The following PCDHA3 variants were observed in gnomAD, a reference collection of about 807,000 sequenced individuals.
PCDHA3 encodes the protein protocadherin alpha 3.
A neutral mutation model predicts 62.2 loss-of-function variants in PCDHA3; 41 were observed. The observed-to-expected ratio is 0.66, with a 90% CI of 0.51 to 0.86. The LOEUF is 0.86. Ranked by LOEUF, PCDHA3 falls within the 40% of genes least tolerant of loss-of-function variation. The probability of loss-of-function intolerance (pLI) is 0.00; values close to 1 mark genes in which losing one functional copy is unlikely to be tolerated. For missense variants in PCDHA3, 1,304 were observed against 1,241.2 expected (o/e 1.05, Z -0.76); for synonymous variants, 640 against 555.4 (o/e 1.15, Z -2.14).
rs367685277 is a variant in PCDHA3 at position 140,871,336 on chromosome 5, G to A, written c.2394+67745G>A. 5.0e-6 allele frequency: 8 copies of A among 1,614,062 alleles called. No homozygotes were observed. The African/African-American group carries it at 9.3e-5, about 19-fold the overall frequency. On this transcript the variant is annotated intron_variant, in intron 1 of 3. Transcript: ENST00000522353. ...CACGCTGGTGTGCTCCCGCGCGGTG[G>A]GGAGCTGGTCATACTCGCAGCAGAG...
chr5:140,894,446 T>A (rs981858089), intron 1 of PCDHA3, among the ~76,000 whole-genome samples: 18 of 152,000 alleles, frequency 1.2e-4, no homozygotes, highest in African/African-American at 3.4e-4. Context: ...AGCTCTTTTT[T>A]AAAAAATATT....
intron 1 of PCDHA3, chr5:140,821,416 A>G (rs1766971363): frequency 5.5e-6 from 1 of 180,776 alleles, no homozygotes; most frequent in African/African-American, 2.4e-5. Flanking sequence ...ATAGAGTTTA[A>G]TGATATATTT....
chr5:140,845,092 C>G (rs145327720), intron 1 of PCDHA3, among the ~76,000 whole-genome samples: 1 of 149,560 alleles, frequency 6.7e-6, no homozygotes, highest in South Asian at 2.1e-4. Flanking sequence ...GTTTATTTTA[C>G]AGTTCTCTTA....
Position 140,809,080 on chromosome 5 carries a change from C to A in PCDHA3, c.2394+5489C>A, listed in dbSNP as rs564951591. On this transcript the variant is annotated intron_variant, in intron 1 of 3. Coordinates refer to ENST00000522353, the MANE Select transcript of PCDHA3 (RefSeq NM_018906.3). ...GCGTGGGGCTGTACACTGGCGAGAT[C>A]AGCACAACGCGTGCCCTGGACGAAA... The A allele has an allele frequency of 1.8e-4, 290 of 1,613,954 alleles. No individual in the cohort carries two copies. In the East Asian group the frequency reaches 5.6e-3, roughly 31 times the overall value.
At chr5:140,927,713 A>G in intron 1 of PCDHA3, 1 of 1,614,180 alleles carries the variant, frequency 6.2e-7, no homozygotes, top group Non-Finnish European at 8.5e-7. Flanking sequence ...TCCCTAAGCA[A>G]CAGCACGCAA....
intron 1 of PCDHA3, chr5:140,869,206 G>T (rs192388233): frequency 7.4e-6 from 12 of 1,613,854 alleles, no homozygotes; most frequent in African/African-American, 1.3e-5. Flanking sequence ...CCACTACTCC[G>T]TCTCGGAGGA....
At chr5:140,833,974 G>C (rs2150212572) in intron 1 of PCDHA3, among the ~76,000 whole-genome samples, 27 of 152,106 alleles carry the variant, frequency 1.8e-4, no homozygotes, top group Non-Finnish European at 3.5e-4. Context: ...TGAAAAAAAA[G>C]TTTTTCTAAG....
chr5:140,852,721 T>G (rs2042450982), intron 1 of PCDHA3: 1 of 982,810 alleles, frequency 1.0e-6, no homozygotes, highest in South Asian at 4.8e-5. Flanking sequence ...TTTGCACGTT[T>G]TTCAAGTTTC....
intron 1 of PCDHA3, chr5:140,862,434 T>C: frequency 2.8e-6 from 1 of 354,954 alleles, no homozygotes; most frequent in South Asian, 2.1e-5. Flanking sequence ...AAACTATTCG[T>C]TGGTACTCCA....
At chr5:140,915,266 C>T (rs1554196835) in intron 1 of PCDHA3, among the ~76,000 whole-genome samples, 1 of 151,940 alleles carries the variant, frequency 6.6e-6, no homozygotes, top group Non-Finnish European at 1.5e-5. Context: ...TTATTTTTGA[C>T]CAGTTCATCA....
At position 140,830,681 on chromosome 5, in the gene PCDHA3, G is replaced by C. The variant is rs112940654; in HGVS notation, c.2394+27090G>C. On this transcript the variant is annotated intron_variant, in intron 1 of 3. Coordinates refer to ENST00000522353, the MANE Select transcript of PCDHA3 (RefSeq NM_018906.3). ...AATTTAAGTGAAATTAGAAATCACT[G>C]TCCACAATCTGCACCTCAGAATTTT... The C allele has an allele frequency of 8.1e-3, 2,706 of 335,658 alleles. 74 individuals are homozygous for C. Among genetic ancestry groups the C allele is most frequent in the African/African-American group, 0.053 (2,457 of 46,446 alleles). The allele number at this position is 335,658 out of a possible 1,614,324, so 20.8% of individuals were successfully genotyped here.
At chr5:140,914,807 A>G (rs929659841) in intron 1 of PCDHA3, among the ~76,000 whole-genome samples, 2 of 152,330 alleles carry the variant, frequency 1.3e-5, no homozygotes, top group Middle Eastern at 3.4e-3. Context: ...ACTGATGGCA[A>G]CTTAACAGAC....
intron 1 of PCDHA3, among the ~76,000 whole-genome samples, chr5:140,978,488 C>A (rs1453613410): frequency 6.6e-6 from 1 of 152,224 alleles, no homozygotes; most frequent in African/African-American, 2.4e-5. Context: ...TCTGCAAAGC[C>A]AGCAGCAGAT....
At chr5:140,876,394 C>T in intron 1 of PCDHA3, 1 of 1,613,826 alleles carries the variant, frequency 6.2e-7, no homozygotes, top group Non-Finnish European at 8.5e-7. Flanking sequence ...TTATGGTGAA[C>T]TGGATTTTGA....
intron 3 of PCDHA3, among the ~76,000 whole-genome samples, chr5:140,991,755 C>T (rs2153897425): frequency 6.6e-6 from 1 of 152,268 alleles, no homozygotes; most frequent in South Asian, 2.1e-4. Context: ...TTCTATCATG[C>T]TCTTCAAAAT....
rs138671187 is a variant in PCDHA3, at chr5:140,836,499, G to A, written c.2394+32908G>A. 28 of 1,613,758 alleles carry A rather than the reference G, an allele frequency of 1.7e-5. No individual in the cohort carries two copies. In the African/African-American group the frequency reaches 2.8e-4, roughly 16 times the overall value. ...CGTGTACCTGATCATCGCCATCTGC[G>A]CGGTGTCCAGTCTGTTGGTGCTTAC... On this transcript the variant is annotated intron_variant, in intron 1 of 3. Transcript: ENST00000522353.
At chr5:140,895,912 A>G (rs1215168324) in intron 1 of PCDHA3, among the ~76,000 whole-genome samples, 1 of 152,146 alleles carries the variant, frequency 6.6e-6, no homozygotes, top group African/African-American at 2.4e-5. Context: ...CCCGGGCTCA[A>G]CAATTATCCT....
intron 1 of PCDHA3, chr5:140,852,273 GT>G (rs2042286951): frequency 2.0e-6 from 1 of 502,736 alleles, no homozygotes; most frequent in South Asian, 8.6e-5. Context: ...AATATTACAT[GT>G]TTTTTGTCTT....
At chr5:140,889,042 A>G (rs1395605890) in intron 1 of PCDHA3, among the ~76,000 whole-genome samples, 1 of 152,046 alleles carries the variant, frequency 6.6e-6, no homozygotes, top group African/African-American at 2.4e-5. Context: ...ATTTGATTAT[A>G]ATTTATAATC....
Sources: allele counts gnomAD v4.1 joint callset (sites outside exome capture counted in the v4.1 genomes callset), GRCh38; gene constraint gnomAD v4.1.1; transcripts MANE v1.5; gene names NCBI Gene and HGNC (gene_info 2026-07-23, HGNC 2026-07-21).